Variants in NAALADL2 observed in about 807,000 individuals in gnomAD.
NAALADL2 encodes inactive N-acetylated-alpha-linked acidic dipeptidase-like protein 2.
In NAALADL2, 76 loss-of-function variants were observed where a neutral mutation model predicts 87.2. That is an observed-to-expected ratio of 0.87 (90% confidence interval 0.72 to 1.05). The LOEUF (loss-of-function observed/expected upper bound fraction) is 1.05, where lower values mean the gene tolerates loss of function less well. Among genes scored for constraint, NAALADL2 ranks in the 50% least tolerant of loss-of-function variants. The pLI is 0.00. For missense variants in NAALADL2, 1,089 were observed against 945.8 expected (o/e 1.15, Z -1.99); for synonymous variants, 354 against 331.0 (o/e 1.07, Z -0.75).
intron 2 of NAALADL2, among the ~76,000 whole-genome samples, chr3:175,124,962 T>A (rs1041061420): frequency 6.6e-6 from 1 of 151,792 alleles, no homozygotes; most frequent in Non-Finnish European, 1.5e-5. Context: ...ATCAATCTAG[T>A]GAGCAGTTTT....
intron 1 of NAALADL2, among the ~76,000 whole-genome samples, chr3:175,069,779 T>G (rs1374554872): frequency 4.6e-5 from 7 of 151,690 alleles, no homozygotes; most frequent in South Asian, 4.2e-4. Flanking sequence ...CCAACAATGA[T>G]AGACTGGATT....
intron 5 of NAALADL2, among the ~76,000 whole-genome samples, chr3:175,380,873 T>C (rs1001684185): frequency 1.3e-5 from 2 of 152,112 alleles, no homozygotes; most frequent in Non-Finnish European, 2.9e-5. Flanking sequence ...TATTACTCAA[T>C]TATAAAGCTT....
intron 3 of NAALADL2, among the ~76,000 whole-genome samples, chr3:174,757,560 C>G (rs139852258): frequency 6.6e-6 from 1 of 151,752 alleles, no homozygotes; most frequent in Admixed American, 6.6e-5. Flanking sequence ...GGCATGATCT[C>G]GGCTCACTGC....
intron 2 of NAALADL2, among the ~76,000 whole-genome samples, chr3:174,702,034 C>T (rs1729599951): frequency 6.6e-6 from 1 of 152,152 alleles, no homozygotes; most frequent in African/African-American, 2.4e-5. Flanking sequence ...TTTTCATTCC[C>T]ATCAGCAGTG....
At chr3:175,736,454 G>T (rs908202790) in intron 11 of NAALADL2, among the ~76,000 whole-genome samples, 1 of 152,206 alleles carries the variant, frequency 6.6e-6, no homozygotes, top group African/African-American at 2.4e-5. Flanking sequence ...CAAATGTGAA[G>T]ATCTACCCGT....
At chr3:174,838,609 G>T (rs184164402) in intron 3 of NAALADL2, among the ~76,000 whole-genome samples, 1 of 151,966 alleles carries the variant, frequency 6.6e-6, no homozygotes, top group Non-Finnish European at 1.5e-5. Flanking sequence ...AGACTACTCC[G>T]GAAAGCTCCA....
chr3:175,652,557 C>T (rs1391349375), intron 11 of NAALADL2, among the ~76,000 whole-genome samples: 2 of 149,274 alleles, frequency 1.3e-5, no homozygotes, highest in Non-Finnish European at 3.0e-5. Flanking sequence ...CGGCTCACTG[C>T]AAGCTCCGCC....
intron 1 of NAALADL2, among the ~76,000 whole-genome samples, chr3:175,007,188 GA>G (rs1359441820): frequency 1.4e-5 from 2 of 144,508 alleles, no homozygotes; most frequent in Non-Finnish European, 3.0e-5. Flanking sequence ...CTAAAGGCCA[GA>G]AAAGGAAGTG....
intron 1 of NAALADL2, among the ~76,000 whole-genome samples, chr3:174,445,246 T>C (rs533643474): frequency 3.1e-4 from 47 of 152,170 alleles, no homozygotes; most frequent in Non-Finnish European, 4.9e-4. Flanking sequence ...GGTTGTTAGG[T>C]TTCCAAACAT....
intron 2 of NAALADL2, among the ~76,000 whole-genome samples, chr3:175,182,960 T>G (rs1158244657): frequency 6.6e-6 from 1 of 152,060 alleles, no homozygotes; most frequent in Non-Finnish European, 1.5e-5. Context: ...GAATATAGCT[T>G]GAAGTGAGGT....
chr3:175,718,195 G>GGT lies in NAALADL2; in HGVS notation c.1897-19111_1897-19110insGT, dbSNP rs1741636564. On this transcript the variant is annotated intron_variant, in intron 11 of 13. Transcript: ENST00000454872. The stretch of plus-strand genomic sequence containing the variant: ...TGGAGGGGAAGGGGAAGGGCCTGTG[G>GGT]TTTTTTTTTTTTTTTTTTTTTTTTT... The GGT allele has an allele frequency of 6.7e-5, 55 of 823,374 alleles. No individual in the cohort carries two copies. In the South Asian group the frequency reaches 8.5e-4, roughly 13 times the overall value. The allele number at this position is 823,374 out of a possible 1,614,324, so 51.0% of individuals were successfully genotyped here.
chr3:175,772,267 A>ATT (rs750556611), intron 13 of NAALADL2, among the ~76,000 whole-genome samples: 18 of 145,866 alleles, frequency 1.2e-4, no homozygotes, highest in South Asian at 2.2e-4. Context: ...AGCTTTATTT[A>ATT]TTTTTTTTTT....
intron 1 of NAALADL2, among the ~76,000 whole-genome samples, chr3:175,078,963 G>A (rs926045971): frequency 3.3e-5 from 5 of 152,128 alleles, no homozygotes; most frequent in East Asian, 1.9e-4. Flanking sequence ...GTAGAATATT[G>A]GATCATATAG....
At chr3:175,704,697 T>G (rs1739437675) in intron 11 of NAALADL2, among the ~76,000 whole-genome samples, 1 of 152,172 alleles carries the variant, frequency 6.6e-6, no homozygotes, top group Admixed American at 6.5e-5. Context: ...TCCAAATCTT[T>G]AAAATTGGAT....
At chr3:175,707,454 A>G (rs1386324041) in intron 11 of NAALADL2, among the ~76,000 whole-genome samples, 2 of 152,156 alleles carry the variant, frequency 1.3e-5, no homozygotes, top group African/African-American at 4.8e-5. Flanking sequence ...CTTTAGTTTT[A>G]CAATGCTTGC....
chr3:174,813,736 T>G (rs1294108025), intron 3 of NAALADL2, among the ~76,000 whole-genome samples: 2 of 115,550 alleles, frequency 1.7e-5, no homozygotes, highest in African/African-American at 6.0e-5. Flanking sequence ...ACGATCATAG[T>G]GCACTACAAC....
At chr3:174,987,811 A>ATATTTATATATATATATAATT (rs1746155770) in intron 1 of NAALADL2, among the ~76,000 whole-genome samples, 1 of 121,310 alleles carries the variant, frequency 8.2e-6, no homozygotes, top group African/African-American at 4.6e-5. Context: ...TATATATATA[A>ATATTTATATATATATATAATT]TTATATATAT....
chr3:175,717,803 ATTT>A (rs10575051), intron 11 of NAALADL2, among the ~76,000 whole-genome samples: 1,204 of 117,856 alleles, frequency 0.01, 12 homozygotes, highest in African/African-American at 0.043. Flanking sequence ...AAGAGAGCAG[ATTT>A]TTTTTTTTTT....
chr3:174,847,999 T>TTC (rs201884657), intron 3 of NAALADL2, among the ~76,000 whole-genome samples: 2 of 147,490 alleles, frequency 1.4e-5, no homozygotes, highest in Non-Finnish European at 3.0e-5. Flanking sequence ...TCTAACTCTT[T>TTC]TCTCTCTCTT....
Sources: gnomAD v4.1 joint callset for allele counts (sites outside exome capture counted in the v4.1 genomes callset) on GRCh38, gnomAD v4.1.1 for gene constraint, MANE v1.5 for transcripts, NCBI Gene and HGNC (gene_info 2026-07-23, HGNC 2026-07-21) for gene names.